The following SEZ6L variants were observed in gnomAD, a reference collection of about 807,000 sequenced individuals.
SEZ6L encodes the protein seizure 6-like protein.
Under a neutral mutation model 106.2 loss-of-function variants are expected in SEZ6L, and 37 were observed. That is an observed-to-expected ratio of 0.35 (90% CI 0.27 to 0.46). The LOEUF (loss-of-function observed/expected upper bound fraction) is 0.46. Among genes scored for constraint, SEZ6L ranks in the 20% least tolerant of loss-of-function variants. SEZ6L has a pLI of 1.00. For missense variants in SEZ6L, 1,172 were observed against 1,332.8 expected, an observed-to-expected ratio of 0.88 and a Z score of 1.88; for synonymous variants, 541 against 570.4, an observed-to-expected ratio of 0.95 and a Z score of 0.73.
At chr22:26,232,723 T>C (rs2078840339) in intron 1 of SEZ6L, among the ~76,000 whole-genome samples, 1 of 152,244 alleles carries the variant, frequency 6.6e-6, no homozygotes, top group African/African-American at 2.4e-5. Flanking sequence ...TCTAGTGCAC[T>C]TGTGCAAATG....
intron 1 of SEZ6L, among the ~76,000 whole-genome samples, chr22:26,188,561 A>G (rs1269745880): frequency 1.3e-5 from 2 of 152,202 alleles, no homozygotes; most frequent in African/African-American, 4.8e-5. Flanking sequence ...GCAGCCATCT[A>G]TAACCTACCA....
intron 9 of SEZ6L, among the ~76,000 whole-genome samples, chr22:26,329,214 T>C (rs1313348063): frequency 1.3e-5 from 2 of 152,096 alleles, no homozygotes; most frequent in Non-Finnish European, 2.9e-5. Context: ...AAACCTGTAA[T>C]CCCAGCACTC....
intron 1 of SEZ6L, among the ~76,000 whole-genome samples, chr22:26,199,049 G>T (rs935357134): frequency 6.6e-6 from 1 of 152,220 alleles, no homozygotes; most frequent in Admixed American, 6.5e-5. Flanking sequence ...CTAAGGACAA[G>T]TCAGAGATTA....
chr22:26,375,646 A>T lies in SEZ6L; in HGVS notation c.2899A>T (p.Ile967Phe). The T allele has an allele frequency of 6.2e-7, 1 of 1,614,112 alleles. No individual in the cohort carries two copies. Among genetic ancestry groups the T allele is most frequent in the Non-Finnish European group, 8.5e-7 (1 of 1,180,002 alleles). The change falls in exon 15 of 17, where the codon ATC becomes TTC. Residue 967 changes from isoleucine to phenylalanine, a missense_variant. Physicochemically the swap from Ile to Phe is conservative, Grantham distance 21. Coordinates refer to ENST00000248933, the MANE Select transcript of SEZ6L (RefSeq NM_021115.5). Reference protein sequence around the residue: ...MALAIFIPVLIISLLLGGAYI... With the variant: ...MALAIFIPVLFISLLLGGAYI... ...CCTGGCTATCTTCATCCCGGTCCTCATCATCTCCTTACTGCTGGGAGGAGC... is the reference window on the plus strand; with the variant it reads ...CCTGGCTATCTTCATCCCGGTCCTCTTCATCTCCTTACTGCTGGGAGGAGC...
chr22:26,350,180 A>G (rs765059097), intron 11 of SEZ6L, among the ~76,000 whole-genome samples: 105 of 147,350 alleles, frequency 7.1e-4, no homozygotes, highest in Non-Finnish European at 7.6e-4. Context: ...ATTCATATAT[A>G]TGTGTGTGTG....
At chr22:26,286,813 T>C (rs1056683175) in intron 1 of SEZ6L, among the ~76,000 whole-genome samples, 1 of 145,936 alleles carries the variant, frequency 6.9e-6, no homozygotes, top group African/African-American at 2.5e-5. Flanking sequence ...AGTGGCACAA[T>C]CTCGGCTCAC....
At chr22:26,331,013 A>G (rs2082463148) in intron 9 of SEZ6L, among the ~76,000 whole-genome samples, 1 of 152,232 alleles carries the variant, frequency 6.6e-6, no homozygotes, top group East Asian at 1.9e-4. Flanking sequence ...GAATAAGGAA[A>G]AGAAAGGTGG....
chr22:26,294,958 T>TCTTG (rs1303388965), intron 3 of SEZ6L, among the ~76,000 whole-genome samples: 2,943 of 119,470 alleles, frequency 0.025, 273 homozygotes, highest in African/African-American at 0.093. Flanking sequence ...TTTCTTTCTT[T>TCTTG]CTTGCTTGCT....
chr22:26,216,023 T>A (rs1334023582), intron 1 of SEZ6L, among the ~76,000 whole-genome samples: 1 of 152,146 alleles, frequency 6.6e-6, no homozygotes, highest in African/African-American at 2.4e-5. Flanking sequence ...GCCACGGAAA[T>A]TGGATTTGAG....
intron 1 of SEZ6L, among the ~76,000 whole-genome samples, chr22:26,235,749 C>A (rs2078937814): frequency 2.0e-5 from 3 of 152,152 alleles, no homozygotes; most frequent in South Asian, 4.1e-4. Flanking sequence ...GCAGCTCATA[C>A]CTGGAGCATG....
chr22:26,259,893 G>T (rs118017625), intron 1 of SEZ6L, among the ~76,000 whole-genome samples: 2 of 152,146 alleles, frequency 1.3e-5, no homozygotes, highest in Non-Finnish European at 2.9e-5. Context: ...CACGATTTAG[G>T]TGTGACTATA....
intron 6 of SEZ6L, among the ~76,000 whole-genome samples, chr22:26,307,673 A>G (rs914871474): frequency 6.7e-6 from 1 of 149,902 alleles, no homozygotes; most frequent in African/African-American, 2.5e-5. Flanking sequence ...TTTAAAAATC[A>G]GATTCCCTAT....
At chr22:26,374,274 T>G (rs2084142063) in intron 14 of SEZ6L, among the ~76,000 whole-genome samples, 1 of 151,752 alleles carries the variant, frequency 6.6e-6, no homozygotes, top group South Asian at 2.1e-4. Context: ...TTTTTTTTTT[T>G]TAATGTTTTT....
At chr22:26,259,929 GATT>G (rs1430280724) in intron 1 of SEZ6L, among the ~76,000 whole-genome samples, 27 of 152,140 alleles carry the variant, frequency 1.8e-4, no homozygotes, top group African/African-American at 5.6e-4. Flanking sequence ...ATGAACATTT[GATT>G]ATGTTTCCAA....
chr22:26,203,709 G>A (rs568561388), intron 1 of SEZ6L, among the ~76,000 whole-genome samples: 59 of 152,214 alleles, frequency 3.9e-4, no homozygotes, highest in African/African-American at 1.4e-3. Context: ...AAAAACTGAC[G>A]TTCAGAGAGG....
At chr22:26,308,917 T>C (rs2081726617) in intron 6 of SEZ6L, among the ~76,000 whole-genome samples, 3 of 152,128 alleles carry the variant, frequency 2.0e-5, no homozygotes, top group Non-Finnish European at 1.5e-5. Context: ...CCCTAAGATA[T>C]AACAGAGTCA....
intron 5 of SEZ6L, among the ~76,000 whole-genome samples, chr22:26,305,001 T>G (rs1007383843): frequency 1.3e-5 from 2 of 152,370 alleles, no homozygotes; most frequent in Admixed American, 1.3e-4. Context: ...TGGTACAGCC[T>G]ATTGCTTCTC....
intron 12 of SEZ6L, among the ~76,000 whole-genome samples, chr22:26,358,586 AG>A (rs1043363180): frequency 6.6e-4 from 100 of 152,252 alleles, no homozygotes; most frequent in African/African-American, 2.3e-3. Flanking sequence ...TGTTAAAGAG[AG>A]GGGAAAATAG....
At chr22:26,320,091 T>C (rs2082113388) in intron 9 of SEZ6L, among the ~76,000 whole-genome samples, 1 of 152,186 alleles carries the variant, frequency 6.6e-6, no homozygotes. Flanking sequence ...AAGTATTAAA[T>C]AATAGAAGTA....
Sources: allele counts gnomAD v4.1 joint callset (sites outside exome capture counted in the v4.1 genomes callset), GRCh38; gene constraint gnomAD v4.1.1; transcripts MANE v1.5; gene names NCBI Gene and HGNC (gene_info 2026-07-23, HGNC 2026-07-21).